CACNB2: variants seen among roughly 807,000 people sequenced by gnomAD.
CACNB2 encodes the protein voltage-dependent L-type calcium channel subunit beta-2.
In CACNB2, 42 loss-of-function variants were observed where a neutral mutation model predicts 73.3. The ratio of observed to expected loss-of-function variants is 0.57; its 90% CI spans 0.45 to 0.74. The LOEUF (loss-of-function observed/expected upper bound fraction) is 0.74, where lower values mean the gene tolerates loss of function less well. Among genes scored for constraint, CACNB2 ranks in the 30% least tolerant of loss-of-function variants. The probability of loss-of-function intolerance (pLI) is 0.00; values close to 1 mark genes in which losing one functional copy is unlikely to be tolerated. For missense variants in CACNB2, 940 were observed against 853.0 expected, an observed-to-expected ratio of 1.10 and a Z score of -1.27; for synonymous variants, 348 against 310.3, an observed-to-expected ratio of 1.12 and a Z score of -1.28.
chr10:18,380,481 G>A (rs2042971506), intron 2 of CACNB2, among the ~76,000 whole-genome samples: 1 of 132,824 alleles, frequency 7.5e-6, no homozygotes, highest in Non-Finnish European at 1.6e-5. Flanking sequence ...TTGAGATGGA[G>A]TCTCGCTCTG....
intron 3 of CACNB2, among the ~76,000 whole-genome samples, chr10:18,431,045 A>G (rs1171367689): frequency 6.6e-6 from 1 of 152,180 alleles, no homozygotes; most frequent in African/African-American, 2.4e-5. Flanking sequence ...TGGCATGATC[A>G]TATAGTAGCT....
intron 7 of CACNB2, chr10:18,514,936 T>G: frequency 7.2e-7 from 1 of 1,396,480 alleles, no homozygotes. Context: ...AAAAAAAGTA[T>G]TCAAGTTTTA....
intron 2 of CACNB2, among the ~76,000 whole-genome samples, chr10:18,258,501 G>A (rs1318367451): frequency 1.3e-5 from 2 of 152,164 alleles, no homozygotes; most frequent in Non-Finnish European, 2.9e-5. Context: ...GCCGAGGCGG[G>A]CGGATCACGA....
intron 2 of CACNB2, among the ~76,000 whole-genome samples, chr10:18,340,150 C>T (rs1194335484): frequency 6.6e-6 from 1 of 151,962 alleles, no homozygotes; most frequent in African/African-American, 2.4e-5. Context: ...AGTTCTATTT[C>T]CTGGATAGTA....
At chr10:18,507,037 G>A (rs564307477) in intron 6 of CACNB2, among the ~76,000 whole-genome samples, 2 of 152,272 alleles carry the variant, frequency 1.3e-5, no homozygotes, top group South Asian at 2.1e-4. Flanking sequence ...GAGTTCAAGC[G>A]ATCCACCTGC....
intron 2 of CACNB2, among the ~76,000 whole-genome samples, chr10:18,195,895 C>T (rs568138623): frequency 6.6e-6 from 1 of 152,302 alleles, no homozygotes; most frequent in South Asian, 2.1e-4. Context: ...TTCTTTGTTT[C>T]ATTAATTAAA....
intron 3 of CACNB2, among the ~76,000 whole-genome samples, chr10:18,460,815 G>A (rs1273050894): frequency 6.6e-6 from 1 of 151,646 alleles, no homozygotes; most frequent in Non-Finnish European, 1.5e-5. Flanking sequence ...ACTTGAGCGT[G>A]GGAGGTTGAA....
At chr10:18,487,694 G>A (rs1293924555) in intron 3 of CACNB2, among the ~76,000 whole-genome samples, 1 of 152,034 alleles carries the variant, frequency 6.6e-6, no homozygotes, top group East Asian at 1.9e-4. Context: ...AATTTGCTAG[G>A]CATGTTGGCG....
At chr10:18,430,468 A>G (rs577437156) in intron 3 of CACNB2, among the ~76,000 whole-genome samples, 1 of 152,168 alleles carries the variant, frequency 6.6e-6, no homozygotes, top group Non-Finnish European at 1.5e-5. Context: ...CTTAAAAAAA[A>G]AAAATTAATT....
In CACNB2 at chr10:18,408,874, C is replaced by T. The variant is rs187106204; in HGVS notation, c.333+6831C>T. Among the ~76,000 whole-genome samples the T allele has an allele frequency of 4.4e-4, 67 of 152,198 alleles. 2 individuals carry two copies. The highest frequency in any genetic ancestry group is 3.9e-3 in the Admixed American group (60 of 15,288). On this transcript the variant is annotated intron_variant, in intron 3 of 13. Coordinates refer to ENST00000324631, the MANE Select transcript of CACNB2 (RefSeq NM_201596.3). ...GTTTGTTTATTATTATTTTTTTAGA[C>T]AAGGTCTCACTCTGTTGCTGAGGCT...
At chr10:18,250,590 A>G (rs1006890225) in intron 2 of CACNB2, among the ~76,000 whole-genome samples, 1 of 151,986 alleles carries the variant, frequency 6.6e-6, no homozygotes, top group African/African-American at 2.4e-5. Flanking sequence ...TAAGCTAGCA[A>G]TGACTATGGA....
At chr10:18,496,707 G>A (rs957119703) in intron 3 of CACNB2, among the ~76,000 whole-genome samples, 20 of 150,788 alleles carry the variant, frequency 1.3e-4, no homozygotes, top group South Asian at 6.3e-4. Flanking sequence ...CCAGCAACTC[G>A]GGAGGCTGAG....
chr10:18,456,337 C>A (rs1194732029), intron 3 of CACNB2, among the ~76,000 whole-genome samples: 2 of 152,090 alleles, frequency 1.3e-5, no homozygotes, highest in Non-Finnish European at 2.9e-5. Context: ...GTGGTACACA[C>A]CTGTAATCCC....
At chr10:18,332,642 A>G (rs1303946122) in intron 2 of CACNB2, among the ~76,000 whole-genome samples, 1 of 152,184 alleles carries the variant, frequency 6.6e-6, no homozygotes, top group Admixed American at 6.5e-5. Context: ...GGAGAAGAGG[A>G]TTAGGAAACA....
At chr10:18,245,042 A>G (rs2036807004) in intron 2 of CACNB2, among the ~76,000 whole-genome samples, 1 of 151,702 alleles carries the variant, frequency 6.6e-6, no homozygotes, top group Non-Finnish European at 1.5e-5. Context: ...AGGCAAGAAA[A>G]CAAACTCTTC....
intron 2 of CACNB2, among the ~76,000 whole-genome samples, chr10:18,163,684 T>C (rs1301570419): frequency 6.6e-6 from 1 of 152,222 alleles, no homozygotes; most frequent in East Asian, 1.9e-4. Flanking sequence ...TAGGTGTTCA[T>C]TGGACCATTC....
intron 2 of CACNB2, among the ~76,000 whole-genome samples, chr10:18,244,061 A>G (rs991903809): frequency 4.6e-5 from 7 of 152,320 alleles, no homozygotes; most frequent in East Asian, 1.9e-4. Flanking sequence ...TAATAATGCA[A>G]TGTGGCAAGG....
chr10:18,419,356 G>GC (rs11427720), intron 3 of CACNB2, among the ~76,000 whole-genome samples: 133,782 of 152,152 alleles, frequency 0.88, 59,042 homozygotes, highest in East Asian at 0.94. Flanking sequence ...TGTATGTTAG[G>GC]TAAGACATAG....
chr10:18,179,257 A>T (rs1210806178), intron 2 of CACNB2, among the ~76,000 whole-genome samples: 3 of 152,148 alleles, frequency 2.0e-5, no homozygotes, highest in Non-Finnish European at 4.4e-5. Context: ...AGGGTTTATA[A>T]ATAGCAGACA....
Sources: gnomAD v4.1 joint callset for allele counts (sites outside exome capture counted in the v4.1 genomes callset) on GRCh38, gnomAD v4.1.1 for gene constraint, MANE v1.5 for transcripts, NCBI Gene and HGNC (gene_info 2026-07-23, HGNC 2026-07-21) for gene names.